Variants in NLGN4Y observed in about 807,000 individuals in gnomAD.
The protein encoded by NLGN4Y is neuroligin 4 Y-linked.
A neutral mutation model predicts 8.4 loss-of-function variants in NLGN4Y; 4 were observed. The ratio of observed to expected loss-of-function variants is 0.48; its 90% CI spans 0.23 to 1.09. The LOEUF is 1.09. NLGN4Y is among the 50% of genes least tolerant of loss of function. The pLI, the probability that NLGN4Y is intolerant of heterozygous loss-of-function variation, is 0.19. For synonymous variants in NLGN4Y, 35 were observed against 75.6 expected (o/e 0.46, Z 2.78); for missense variants, 90 against 192.3 (o/e 0.47, Z 3.15).
upstream of NLGN4Y, among the ~76,000 whole-genome samples, chrY:14,523,118 G>A (rs2080079010): frequency 3.1e-5 from 1 of 31,872 alleles, no homozygotes; most frequent in Non-Finnish European, 7.6e-5. Flanking sequence ...TATTATTATT[G>A]GACAATTTGG....
At chrY:14,836,536 G>A in intron 6 of NLGN4Y, among the ~76,000 whole-genome samples, 5 of 28,719 alleles carry the variant, frequency 1.7e-4, no homozygotes, top group African/African-American at 7.0e-4. Flanking sequence ...ACAGGCTGGA[G>A]TGTGGTGGTG....
chrY:14,730,002 T>C, intron 4 of NLGN4Y, among the ~76,000 whole-genome samples: 4 of 33,915 alleles, frequency 1.2e-4, no homozygotes, highest in Admixed American at 5.4e-4. Flanking sequence ...TGTTAGCAGA[T>C]GTATATACTT....
At chrY:14,524,971 C>A in intron 1 of NLGN4Y, 1 of 116,561 alleles carries the variant, frequency 8.6e-6, no homozygotes. Context: ...GTCTAGTGAG[C>A]CGAGTCGCGA....
chrY:14,662,672 C>T, intron 2 of NLGN4Y, among the ~76,000 whole-genome samples: 1 of 32,753 alleles, frequency 3.1e-5, no homozygotes, highest in Admixed American at 2.8e-4. Flanking sequence ...CAAAAGTGCT[C>T]GCCTCCTAAT....
chrY:14,561,544 G>A (rs750720390), intron 1 of NLGN4Y, among the ~76,000 whole-genome samples: 26 of 33,233 alleles, frequency 7.8e-4, no homozygotes, highest in African/African-American at 3.0e-3. Flanking sequence ...GTATGCATGT[G>A]TCTTTATTGT....
chrY:14,623,109 C>T (rs2080516875), intron 2 of NLGN4Y, among the ~76,000 whole-genome samples: 2 of 33,294 alleles, frequency 6.0e-5, no homozygotes, highest in African/African-American at 2.3e-4. Flanking sequence ...GATAGGATTT[C>T]ATTGTTTAGA....
At chrY:14,820,425 C>A in intron 4 of NLGN4Y, among the ~76,000 whole-genome samples, 1 of 33,062 alleles carries the variant, frequency 3.0e-5, no homozygotes, top group Non-Finnish European at 7.4e-5. Context: ...TTTGTCCTCA[C>A]TTCTCATCAA....
intron 4 of NLGN4Y, among the ~76,000 whole-genome samples, chrY:14,817,723 C>G: frequency 3.0e-5 from 1 of 33,005 alleles, no homozygotes. Context: ...TGAGGTAAGA[C>G]CGTCCATGTA....
intron 4 of NLGN4Y, among the ~76,000 whole-genome samples, chrY:14,748,993 A>G (rs957824576): frequency 3.2e-5 from 1 of 31,137 alleles, no homozygotes; most frequent in Non-Finnish European, 7.7e-5. Flanking sequence ...CCACCCTAGA[A>G]TCTAGATACC....
At position 14,823,021 on chromosome Y, in the gene NLGN4Y, G is replaced by GA. The variant is rs768379158; in HGVS notation, c.686-1157dup. Among the ~76,000 whole-genome samples the GA allele has an allele frequency of 1.2e-3, 37 of 30,912 alleles. No individual in the cohort carries two copies. In the East Asian group the frequency reaches 0.025, roughly 21 times the overall value. The allele number at this position is 30,912 out of a possible 37,273, so 82.9% of individuals were successfully genotyped here. A position where few individuals can be genotyped will look rare whatever the true frequency, so the allele number is the denominator to read the frequency against. ...GGCTTGGAATTTATTGTCATTGTAG[G>GA]AAAAAAAAAATCTTATGACTTTCTT... On this transcript the variant is annotated intron_variant, in intron 4 of 6. Coordinates refer to ENST00000684976, the MANE Select transcript of NLGN4Y (RefSeq NM_001365588.1).
chrY:14,552,768 C>A (rs2080198149), intron 1 of NLGN4Y, among the ~76,000 whole-genome samples: 1 of 33,369 alleles, frequency 3.0e-5, no homozygotes, highest in Non-Finnish European at 7.4e-5. Context: ...ATTAATGGAA[C>A]GTATCTCTAA....
At chrY:14,830,684 A>G (rs776626692) in intron 6 of NLGN4Y, among the ~76,000 whole-genome samples, 165 bp downstream of exon 6, 2 of 33,508 alleles carry the variant, frequency 6.0e-5, no homozygotes, top group East Asian at 1.6e-3. Context: ...CTTCTCCCCC[A>G]TCATCTGTGA....
chrY:14,792,851 AGTGTGT>A (rs1569375425), intron 4 of NLGN4Y, among the ~76,000 whole-genome samples: 4 of 9,101 alleles, frequency 4.4e-4, no homozygotes, highest in East Asian at 2.5e-3. Context: ...AGAGAGAGAG[AGTGTGT>A]GTGTGTGTGT....
chrY:14,696,459 C>T, intron 2 of NLGN4Y, among the ~76,000 whole-genome samples: 1 of 32,660 alleles, frequency 3.1e-5, no homozygotes, highest in Non-Finnish European at 7.5e-5. Flanking sequence ...GCCTCTCCTA[C>T]TTTATGGGGG....
At chrY:14,793,802 C>G (rs200776528) in intron 4 of NLGN4Y, 1 of 30,400 alleles carries the variant, frequency 3.3e-5, no homozygotes, top group East Asian at 8.7e-4. Flanking sequence ...CACGGTGAAA[C>G]CTCGACTCTA....
At chrY:14,697,589 T>TGAGA (rs2080834548) in intron 2 of NLGN4Y, among the ~76,000 whole-genome samples, 247 of 11,653 alleles carry the variant, frequency 0.021, no homozygotes, top group African/African-American at 0.12. Flanking sequence ...GGTATATAGA[T>TGAGA]GAGAGAGATA....
At chrY:14,560,306 T>G in intron 1 of NLGN4Y, among the ~76,000 whole-genome samples, 1 of 33,747 alleles carries the variant, frequency 3.0e-5, no homozygotes, top group Non-Finnish European at 7.4e-5. Context: ...AAGTACTTTC[T>G]TATTTATCAC....
chrY:14,557,973 A>G, intron 1 of NLGN4Y, among the ~76,000 whole-genome samples: 1 of 33,061 alleles, frequency 3.0e-5, no homozygotes, highest in South Asian at 6.9e-4. Flanking sequence ...CGTGTGTTAA[A>G]CAACATTTCT....
At chrY:14,755,595 C>A (rs757317385) in intron 4 of NLGN4Y, among the ~76,000 whole-genome samples, 1 of 34,027 alleles carries the variant, frequency 2.9e-5, no homozygotes, top group African/African-American at 1.1e-4. Context: ...CTTTGGGAGG[C>A]CAAGACAGGA....
Sources: allele counts gnomAD v4.1 joint callset (sites outside exome capture counted in the v4.1 genomes callset), GRCh38; gene constraint gnomAD v4.1.1; transcripts MANE v1.5; gene names NCBI Gene and HGNC (gene_info 2026-07-23, HGNC 2026-07-21).